VRK1: variants seen among roughly 807,000 people sequenced by gnomAD.
VRK1 encodes serine/threonine-protein kinase VRK1.
A neutral mutation model predicts 57.1 loss-of-function variants in VRK1; 33 were observed. The ratio of observed to expected loss-of-function variants is 0.58; its 90% CI spans 0.44 to 0.77. The LOEUF is 0.77. Ranked by LOEUF, VRK1 falls within the 30% of genes least tolerant of loss-of-function variation. VRK1 has a pLI of 0.00. For missense variants in VRK1, 413 were observed against 477.3 expected (o/e 0.87, Z 1.25); for synonymous variants, 137 against 147.8 (o/e 0.93, Z 0.53).
chr14:96,875,312 A>G (rs1345584002), intron 11 of VRK1, among the ~76,000 whole-genome samples: 2 of 152,208 alleles, frequency 1.3e-5, no homozygotes, highest in Non-Finnish European at 2.9e-5. Flanking sequence ...GTGACAGAAT[A>G]TAAGCACTGA....
At chr14:96,822,741 G>A (rs1031344031) in intron 1 of VRK1, among the ~76,000 whole-genome samples, 8 of 152,206 alleles carry the variant, frequency 5.3e-5, no homozygotes, top group African/African-American at 1.9e-4. Flanking sequence ...TTTGATTGAA[G>A]TGTTGTGAAC....
chr14:96,841,418 T>A (rs1323807416), intron 3 of VRK1, among the ~76,000 whole-genome samples: 1 of 152,204 alleles, frequency 6.6e-6, no homozygotes, highest in Non-Finnish European at 1.5e-5. Context: ...ATCTCCTGTC[T>A]CCTAATTTAG....
chr14:96,877,426 C>G, intron 12 of VRK1: 1 of 1,167,270 alleles, frequency 8.6e-7, no homozygotes, highest in Non-Finnish European at 1.1e-6. Context: ...TAGTCCCTCT[C>G]TTTTTCCCGC....
chr14:96,879,313 A>G (rs1315617377), intron 12 of VRK1, among the ~76,000 whole-genome samples: 2 of 152,170 alleles, frequency 1.3e-5, no homozygotes, highest in Non-Finnish European at 2.9e-5. Context: ...AAAGTCAACA[A>G]GGTGCGTAGG....
intron 11 of VRK1, among the ~76,000 whole-genome samples, chr14:96,874,524 A>G (rs1394194763): frequency 1.3e-5 from 2 of 152,190 alleles, no homozygotes; most frequent in South Asian, 2.1e-4. Flanking sequence ...CATCAGTTAT[A>G]TGAAGTTATA....
At chr14:96,832,698 TCTC>T (rs1887055998) in intron 1 of VRK1, among the ~76,000 whole-genome samples, 1 of 152,190 alleles carries the variant, frequency 6.6e-6, no homozygotes, top group Non-Finnish European at 1.5e-5. Context: ...TCAAGATTCA[TCTC>T]CTAAAGGATA....
intron 11 of VRK1, among the ~76,000 whole-genome samples, chr14:96,865,049 G>T (rs989055769): frequency 1.3e-5 from 2 of 151,932 alleles, no homozygotes; most frequent in Admixed American, 6.6e-5. Context: ...TCTTAATATG[G>T]TATCTTTTAA....
rs765348075 is a variant in VRK1 at position 96,855,295 on chromosome 14, C to A, written c.648C>A (p.Asp216Glu). The A allele has an allele frequency of 6.2e-7, 1 of 1,614,046 alleles. No homozygotes were observed. Among genetic ancestry groups the A allele is most frequent in the Non-Finnish European group, 8.5e-7 (1 of 1,179,960 alleles). ...PEGVHKEYKE[D>E]PKRCHDGTIE... is the part of the protein sequence containing the mutation. ...GAGTTCATAAAGAATACAAAGAAGA[C>A]CCCAAAAGATGTCACGATGGCACTA... The change falls in exon 8 of 13, where the codon GAC becomes GAA. Residue 216 changes from aspartate (D) to glutamate (E), a missense_variant. Coordinates refer to ENST00000216639, the MANE Select transcript of VRK1 (RefSeq NM_003384.3).
chr14:96,816,391 C>G (rs1886395755), intron 1 of VRK1, among the ~76,000 whole-genome samples: 1 of 152,252 alleles, frequency 6.6e-6, no homozygotes, highest in East Asian at 1.9e-4. Context: ...TTCTCATCTC[C>G]CCTCCCTTAG....
In VRK1 at chr14:96,799,241, G is replaced by A. The variant is rs1421658144; in HGVS notation, c.-6+1794G>A. Among the ~76,000 whole-genome samples the A allele has an allele frequency of 2.6e-5, 4 of 152,262 alleles. No homozygotes were observed. In the East Asian group the frequency reaches 7.7e-4, roughly 29 times the overall value. Reference sequence around the variant, plus strand: ...CTTATGCTAAGTTTTATTCCAGTATGCAAGTGTGTATTTTAAAAATAACAG... The same window carrying A: ...CTTATGCTAAGTTTTATTCCAGTATACAAGTGTGTATTTTAAAAATAACAG... On this transcript the variant is annotated intron_variant, in intron 1 of 12. Coordinates refer to ENST00000216639, the MANE Select transcript of VRK1 (RefSeq NM_003384.3).
chr14:96,861,827 A>C (rs542710430), intron 11 of VRK1, among the ~76,000 whole-genome samples: 7 of 151,222 alleles, frequency 4.6e-5, no homozygotes, highest in African/African-American at 1.7e-4. Context: ...TGTGCTGAAA[A>C]CTGTATCTGT....
At chr14:96,821,475 G>C (rs1886594639) in intron 1 of VRK1, among the ~76,000 whole-genome samples, 1 of 151,990 alleles carries the variant, frequency 6.6e-6, no homozygotes, top group Admixed American at 6.6e-5. Context: ...AGAACTCTTA[G>C]GTTATTCTAT....
chr14:96,827,347 T>G (rs1886838540), intron 1 of VRK1, among the ~76,000 whole-genome samples: 1 of 152,194 alleles, frequency 6.6e-6, no homozygotes, highest in Admixed American at 6.6e-5. Flanking sequence ...ACTGCAAGAC[T>G]TAGCAGAGAA....
chr14:96,837,173 C>T (rs577703835), intron 2 of VRK1, among the ~76,000 whole-genome samples: 1 of 152,160 alleles, frequency 6.6e-6, no homozygotes, highest in South Asian at 2.1e-4. Context: ...TGAATATGGG[C>T]AACCTTATAT....
At chr14:96,802,797 G>A (rs1885714981) in intron 1 of VRK1, among the ~76,000 whole-genome samples, 1 of 152,204 alleles carries the variant, frequency 6.6e-6, no homozygotes, top group African/African-American at 2.4e-5. Context: ...TTTTATGGCT[G>A]TATCACATTT....
At chr14:96,852,225 A>G (rs1887978460) in intron 5 of VRK1, among the ~76,000 whole-genome samples, 2 of 152,210 alleles carry the variant, frequency 1.3e-5, no homozygotes, top group Non-Finnish European at 2.9e-5. Context: ...GACTCAGCCA[A>G]GGTGACATAG....
At chr14:96,854,781 T>C (rs1698587180) in intron 7 of VRK1, among the ~76,000 whole-genome samples, 1 of 151,678 alleles carries the variant, frequency 6.6e-6, no homozygotes, top group South Asian at 2.1e-4. Flanking sequence ...AACTAACATA[T>C]CATGTGTCAG....
At chr14:96,855,200 G>C in intron 7 of VRK1, 24 bp from the exon 8 acceptor site, 2 of 1,613,770 alleles carry the variant, frequency 1.2e-6, no homozygotes, top group Non-Finnish European at 1.7e-6. Flanking sequence ...ACTTTAGTTT[G>C]TCTTGGTGCT....
chr14:96,836,440 CTT>C (rs987267080), intron 2 of VRK1, among the ~76,000 whole-genome samples: 8 of 151,670 alleles, frequency 5.3e-5, no homozygotes, highest in African/African-American at 1.9e-4. Context: ...TGTCTCTCCT[CTT>C]CTGCCTCACT....
Sources: gnomAD v4.1 joint callset for allele counts (sites outside exome capture counted in the v4.1 genomes callset) on GRCh38, gnomAD v4.1.1 for gene constraint, MANE v1.5 for transcripts, NCBI Gene and HGNC (gene_info 2026-07-23, HGNC 2026-07-21) for gene names.